The following RIC3 variants were observed in gnomAD, a reference collection of about 807,000 sequenced individuals.
RIC3 encodes the protein RIC3 acetylcholine receptor chaperone.
RIC3 carries 28 observed loss-of-function variants against 27.3 expected under a neutral mutation model. The ratio of observed to expected loss-of-function variants is 1.02; its 90% CI spans 0.76 to 1.41. The LOEUF (loss-of-function observed/expected upper bound fraction) is 1.41, where lower values mean the gene tolerates loss of function less well. Ranked by LOEUF, RIC3 falls within the 40% of genes most tolerant of loss-of-function variation. The probability of loss-of-function intolerance (pLI) is 0.00; values close to 1 mark genes in which losing one functional copy is unlikely to be tolerated. For missense variants in RIC3, 501 were observed against 444.7 expected (o/e 1.13, Z -1.14); for synonymous variants, 184 against 160.4 (o/e 1.15, Z -1.11).
chr11:8,140,274 A>G, intron 1 of RIC3, 81 bp from the exon 2 acceptor site: 1 of 1,277,676 alleles, frequency 7.8e-7, no homozygotes, highest in Non-Finnish European at 1.1e-6. Flanking sequence ...ATTAAGGTAT[A>G]AAAGAGGCCA....
At chr11:8,093,373 ATG>A in the RIC3 span, among the ~76,000 whole-genome samples, 2 of 151,930 alleles carry the variant, frequency 1.3e-5, no homozygotes, top group Non-Finnish European at 2.9e-5. Context: ...GGTGGGGAGT[ATG>A]TGTTTATTTT....
intron 5 of RIC3, among the ~76,000 whole-genome samples, chr11:8,118,165 G>A (rs929539706): frequency 6.7e-6 from 1 of 149,376 alleles, no homozygotes. Context: ...GGAGCTTGTA[G>A]TGAGCCAAGA....
At chr11:8,143,566 G>A (rs1331079361) in intron 1 of RIC3, among the ~76,000 whole-genome samples, 5 of 152,024 alleles carry the variant, frequency 3.3e-5, no homozygotes, top group African/African-American at 7.2e-5. Context: ...ATGCTCATGG[G>A]TAGGAAGAAT....
intron 1 of RIC3, among the ~76,000 whole-genome samples, chr11:8,165,972 G>A (rs532255256): frequency 6.6e-6 from 1 of 152,140 alleles, no homozygotes; most frequent in South Asian, 2.1e-4. Context: ...TTATTTTGTA[G>A]AGATGGGGGT....
chr11:8,153,382 G>A (rs1031013478), intron 1 of RIC3: 13 of 450,348 alleles, frequency 2.9e-5, no homozygotes, highest in East Asian at 7.0e-5. Flanking sequence ...TACCTTAACC[G>A]TCAAATCCAA....
chr11:8,132,344 C>G (rs1947838588), intron 4 of RIC3, among the ~76,000 whole-genome samples: 1 of 152,104 alleles, frequency 6.6e-6, no homozygotes, highest in Non-Finnish European at 1.5e-5. Flanking sequence ...AGTTATTTTT[C>G]TAAAGCACAG....
chr11:8,097,838 C>T, the RIC3 span: 4 of 1,607,296 alleles, frequency 2.5e-6, no homozygotes, highest in South Asian at 3.3e-5. Flanking sequence ...TACTAGCATT[C>T]CCCCAGGAAG....
chr11:8,104,295 G>A (rs1284931849), downstream of RIC3: 1 of 152,058 alleles, frequency 6.6e-6, no homozygotes, highest in African/African-American at 2.4e-5. Context: ...CCGCTTCTGG[G>A]GCCACACCCC....
rs148978840 is a variant in RIC3 at position 8,146,518 on chromosome 11, TCGA to T, written c.125-6328_125-6326del. Among the ~76,000 whole-genome samples, 956 of 152,348 alleles carry T rather than the reference TCGA, an allele frequency of 6.3e-3. 11 individuals are homozygous for T. Among genetic ancestry groups the T allele is most frequent in the African/African-American group, 0.022 (930 of 41,586 alleles). Reference sequence around the variant, plus strand: ...TGAACTGAGAACTGCCTTTAAGTTGTCGATGAAGAGTCAAACTAAAACATTTCA... The same window carrying T: ...TGAACTGAGAACTGCCTTTAAGTTGTTGAAGAGTCAAACTAAAACATTTCA... On this transcript the variant is annotated intron_variant, in intron 1 of 5. Coordinates refer to ENST00000309737, the MANE Select transcript of RIC3 (RefSeq NM_001206671.4).
chr11:8,097,634 A>T, the RIC3 span: 12 of 1,367,778 alleles, frequency 8.8e-6, no homozygotes, highest in East Asian at 1.4e-4. Flanking sequence ...CGCAACGGAG[A>T]GAGTCTGTGT....
the RIC3 span, chr11:8,097,653 C>G: frequency 2.7e-6 from 4 of 1,469,510 alleles, no homozygotes; most frequent in Non-Finnish European, 3.8e-6. Flanking sequence ...GTGAGTGGCT[C>G]TCATGACTGT....
chr11:8,111,401 T>G (rs1312867041), intron 5 of RIC3, among the ~76,000 whole-genome samples: 1 of 152,142 alleles, frequency 6.6e-6, no homozygotes, highest in African/African-American at 2.4e-5. Context: ...GAGTTAAGTC[T>G]TATACCATGT....
intron 4 of RIC3, among the ~76,000 whole-genome samples, chr11:8,134,941 T>G (rs1948199312): frequency 6.6e-6 from 1 of 152,198 alleles, no homozygotes; most frequent in East Asian, 1.9e-4. Flanking sequence ...ATTCTGTAGG[T>G]TGCCTGTTCA....
the RIC3 span, chr11:8,094,307 A>G: frequency 2.3e-6 from 3 of 1,303,260 alleles, no homozygotes; most frequent in Non-Finnish European, 2.1e-6. Context: ...CAGGGAAGAC[A>G]CAGACTGCCA....
At chr11:8,127,092 T>C (rs778817666) in intron 4 of RIC3, among the ~76,000 whole-genome samples, 21 of 152,182 alleles carry the variant, frequency 1.4e-4, no homozygotes, top group Non-Finnish European at 2.9e-4. Flanking sequence ...TGTCTCAGCT[T>C]TTAGTTCAGT....
intron 1 of RIC3, among the ~76,000 whole-genome samples, chr11:8,164,468 C>G (rs1013765276): frequency 1.1e-4 from 17 of 152,050 alleles, no homozygotes; most frequent in African/African-American, 4.1e-4. Flanking sequence ...ACAAAGAACT[C>G]TTACAACTCA....
chr11:8,133,942 G>A lies in RIC3; in HGVS notation c.521+3436C>T, dbSNP rs74429109. On this transcript the variant is annotated intron_variant, in intron 4 of 5. Coordinates refer to ENST00000309737, the MANE Select transcript of RIC3 (RefSeq NM_001206671.4). ...AAGCTCCAGGAGTTGGGTCTCCCAA[G>A]TGAGGGGCCCTGCCCACAGAGGTTT... 6.9e-4 allele frequency among the ~76,000 whole-genome samples: 105 copies of A among 151,646 alleles called. 1 individual carries two copies. In the East Asian group the frequency reaches 0.012, roughly 18 times the overall value.
rs191821785 is a variant in RIC3 at position 8,130,256 on chromosome 11, A to C, written c.522-3449T>G. On this transcript the variant is annotated intron_variant, in intron 4 of 5. Coordinates refer to ENST00000309737, the MANE Select transcript of RIC3 (RefSeq NM_001206671.4). ...CTTGACTGCAGGGATTGATTCAGGG[A>C]TAGATATAGGACCCAAGTTGGGCCA... 2.6e-5 allele frequency among the ~76,000 whole-genome samples: 4 copies of C among 151,302 alleles called. No individual in the cohort carries two copies. The East Asian group carries it at 7.7e-4, about 29-fold the overall frequency.
chr11:8,119,619 C>T (rs1460165692), intron 5 of RIC3, among the ~76,000 whole-genome samples: 1 of 152,130 alleles, frequency 6.6e-6, no homozygotes, highest in Non-Finnish European at 1.5e-5. Flanking sequence ...CAATACCATT[C>T]AGGACATAGG....
Sources: gnomAD v4.1 joint callset for allele counts (sites outside exome capture counted in the v4.1 genomes callset) on GRCh38, gnomAD v4.1.1 for gene constraint, MANE v1.5 for transcripts, NCBI Gene and HGNC (gene_info 2026-07-23, HGNC 2026-07-21) for gene names.